Variants in VPS53 observed in about 807,000 individuals in gnomAD.
VPS53 encodes the protein vacuolar protein sorting-associated protein 53 homolog.
A neutral mutation model predicts 107.0 loss-of-function variants in VPS53; 70 were observed. The ratio of observed to expected loss-of-function variants is 0.65; its 90% confidence interval spans 0.54 to 0.80. VPS53 has a LOEUF of 0.80. Ranked by LOEUF, VPS53 falls within the 30% of genes least tolerant of loss-of-function variation. The pLI is 0.00. For synonymous variants in VPS53, 409 were observed against 393.3 expected (o/e 1.04, Z -0.47); for missense variants, 917 against 1,049.4 (o/e 0.87, Z 1.74).
intron 3 of VPS53, among the ~76,000 whole-genome samples, chr17:698,891 G>A (rs557181633): frequency 1.3e-5 from 2 of 152,188 alleles, no homozygotes; most frequent in South Asian, 2.1e-4. Flanking sequence ...TATATGGCCG[G>A]GTGCGGTGGC....
At chr17:632,917 C>CAA (rs1008726806) in intron 7 of VPS53, 1 of 375,602 alleles carries the variant, frequency 2.7e-6, no homozygotes, top group African/African-American at 2.1e-5. Context: ...AAGGTAAAAA[C>CAA]AAAAAGAGCC....
chr17:646,917 G>A (rs1472589161), intron 7 of VPS53, among the ~76,000 whole-genome samples: 1 of 152,132 alleles, frequency 6.6e-6, no homozygotes, highest in East Asian at 1.9e-4. Flanking sequence ...GCCTCCTAAG[G>A]GTCTTATTTT....
chr17:575,571 T>C (rs563208918), intron 13 of VPS53, among the ~76,000 whole-genome samples: 1 of 151,658 alleles, frequency 6.6e-6, no homozygotes, highest in Admixed American at 6.6e-5. Context: ...ACCTAATGCG[T>C]TCCCAGAGAA....
chr17:577,559 C>G (rs986807116), intron 13 of VPS53, among the ~76,000 whole-genome samples: 1 of 150,376 alleles, frequency 6.6e-6, no homozygotes, highest in African/African-American at 2.5e-5. Flanking sequence ...GAATCTAATA[C>G]GTTCGCAGAG....
intron 1 of VPS53, 55 bp downstream of exon 1, chr17:714,568 C>T: frequency 6.5e-7 from 1 of 1,534,162 alleles, no homozygotes; most frequent in Non-Finnish European, 8.9e-7. Flanking sequence ...GCGCCCGGAG[C>T]TGCCGTCTCC....
Position 511,207 on chromosome 17 carries a change from G to A in VPS53, c.*7921C>T, listed in dbSNP as rs1907923534. 6.6e-6 allele frequency: 1 copy of A among 152,232 alleles called. No homozygotes were observed. The allele number at this position is 152,232 out of a possible 1,614,324, so 9.4% of individuals were successfully genotyped here. ...CTGTGGAATGTGGTCTCTGGCAGCT[G>A]AGAAGTGCCTTCCTTTTCCATCAGC... On this transcript the variant is annotated 3_prime_UTR_variant, in exon 22 of 22. Transcript: ENST00000437048.
At chr17:592,204 A>C (rs1169783891) in intron 12 of VPS53, among the ~76,000 whole-genome samples, 1 of 152,136 alleles carries the variant, frequency 6.6e-6, no homozygotes, top group African/African-American at 2.4e-5. Context: ...AGAGACTAGG[A>C]TTGCAACCCC....
intron 7 of VPS53, among the ~76,000 whole-genome samples, chr17:634,392 CCTT>C (rs1195012336): frequency 6.6e-6 from 1 of 152,018 alleles, no homozygotes; most frequent in Non-Finnish European, 1.5e-5. Context: ...ATTATGTACA[CCTT>C]ATTTTTTTTT....
At chr17:557,216 C>G (rs1010946592) in intron 15 of VPS53, among the ~76,000 whole-genome samples, 1 of 152,176 alleles carries the variant, frequency 6.6e-6, no homozygotes, top group Non-Finnish European at 1.5e-5. Context: ...TGTTTGCTGG[C>G]AATCCTTGAT....
At chr17:662,325 G>A (rs776367170) in intron 4 of VPS53, among the ~76,000 whole-genome samples, 26 of 152,132 alleles carry the variant, frequency 1.7e-4, no homozygotes, top group Non-Finnish European at 3.2e-4. Flanking sequence ...CGTGAATGGG[G>A]ACTCCAGAAC....
chr17:565,403 C>CAAA (rs535932031), intron 13 of VPS53, among the ~76,000 whole-genome samples: 43 of 82,436 alleles, frequency 5.2e-4, no homozygotes, highest in East Asian at 8.8e-4. Flanking sequence ...AACCCCATCT[C>CAAA]AAAAAAAAAA....
At chr17:627,055 C>T (rs1205427516) in intron 10 of VPS53, 119 bp downstream of exon 10, 22 of 1,327,894 alleles carry the variant, frequency 1.7e-5, no homozygotes, top group Non-Finnish European at 2.0e-5. Flanking sequence ...TGATATTAGT[C>T]ATCTGGTGGG....
chr17:619,451 A>T (rs1283386420), intron 11 of VPS53, among the ~76,000 whole-genome samples: 2 of 142,640 alleles, frequency 1.4e-5, no homozygotes, highest in Non-Finnish European at 3.0e-5. Flanking sequence ...TTTTCCGGGT[A>T]GCTGGGACTA....
At chr17:643,286 G>C (rs201043223) in intron 7 of VPS53, among the ~76,000 whole-genome samples, 63 of 31,326 alleles carry the variant, frequency 2.0e-3, no homozygotes, top group East Asian at 9.5e-3. Flanking sequence ...TACTTGGAAA[G>C]TGAGGACAAC....
At chr17:632,359 G>T (rs959281986) in intron 7 of VPS53, among the ~76,000 whole-genome samples, 3 of 152,056 alleles carry the variant, frequency 2.0e-5, no homozygotes, top group East Asian at 3.9e-4. Flanking sequence ...TAATGTTTTA[G>T]GGTGTTTTGT....
chr17:675,244 A>G (rs1376021885), intron 4 of VPS53: 1 of 152,196 alleles, frequency 6.6e-6, no homozygotes, highest in African/African-American at 2.4e-5. Flanking sequence ...TAAGTCTTCA[A>G]TGAAAAAAAA....
Position 714,776 on chromosome 17 carries a change from C to G in VPS53, c.-67G>C. On this transcript the variant is annotated 5_prime_UTR_variant, in exon 1 of 22. Transcript: ENST00000437048. ...CTCAGGCCTCCAGCCGCCACCCAGG[C>G]CCCAGCACAGCAACTCCCTCGCGGC... 1 of 1,569,860 alleles carries G rather than the reference C, an allele frequency of 6.4e-7. No individual in the cohort carries two copies.
chr17:674,859 G>A (rs767539911), intron 4 of VPS53: 2 of 152,238 alleles, frequency 1.3e-5, no homozygotes, highest in African/African-American at 4.8e-5. Context: ...GCACGTCACA[G>A]AACTGATGCG....
chr17:705,204 T>C (rs1470986897), intron 2 of VPS53, among the ~76,000 whole-genome samples: 2 of 152,152 alleles, frequency 1.3e-5, no homozygotes, highest in Non-Finnish European at 2.9e-5. Context: ...AAACCTGCTC[T>C]TTCTCCTTAC....
Sources: gnomAD v4.1 joint callset for allele counts (sites outside exome capture counted in the v4.1 genomes callset) on GRCh38, gnomAD v4.1.1 for gene constraint, MANE v1.5 for transcripts, NCBI Gene and HGNC (gene_info 2026-07-23, HGNC 2026-07-21) for gene names.